The following HOOK3 variants were observed in gnomAD, a reference collection of about 807,000 sequenced individuals.
The protein encoded by HOOK3 is protein Hook homolog 3.
A neutral mutation model predicts 116.3 loss-of-function variants in HOOK3; 24 were observed. The ratio of observed to expected loss-of-function variants is 0.21; its 90% confidence interval spans 0.15 to 0.29. The LOEUF (loss-of-function observed/expected upper bound fraction) is 0.29. HOOK3 is among the 10% of genes least tolerant of loss of function. HOOK3 has a pLI of 1.00. For synonymous variants in HOOK3, 275 were observed against 283.0 expected (o/e 0.97, Z 0.28); for missense variants, 632 against 830.2 (o/e 0.76, Z 2.93).
intron 4 of HOOK3, among the ~76,000 whole-genome samples, chr8:42,932,874 C>T (rs972624647): frequency 2.6e-5 from 4 of 152,132 alleles, no homozygotes; most frequent in African/African-American, 9.7e-5. Context: ...TATCAGTTTC[C>T]CCATTTATTC....
In HOOK3 at chr8:42,925,637, A is replaced by G. The variant is rs1271170951; in HGVS notation, c.216+8A>G. On this transcript the variant is annotated splice_region_variant and intron_variant, in intron 3 of 21. Transcript: ENST00000307602. ...GATAATTGGAGGCTAAAGGTATTTT[A>G]TTTTTCCACCTGTTAAATCTTTAAA... The G allele has an allele frequency of 6.4e-7, 1 of 1,556,230 alleles. No homozygotes were observed. Among genetic ancestry groups the G allele is most frequent in the African/African-American group, 1.4e-5 (1 of 73,022 alleles).
intron 2 of HOOK3, among the ~76,000 whole-genome samples, chr8:42,913,970 G>A (rs75103118): frequency 0.03 from 4,506 of 152,096 alleles, 96 homozygotes; most frequent in African/African-American, 0.055. Context: ...CCAGAAAAAC[G>A]GTAAATGCTT....
chr8:42,995,282 G>T (rs928580967), intron 15 of HOOK3, among the ~76,000 whole-genome samples: 1 of 152,036 alleles, frequency 6.6e-6, no homozygotes, highest in African/African-American at 2.4e-5. Context: ...GAGCAGTCTG[G>T]CTTCTGCTAC....
chr8:42,943,352 G>A lies in HOOK3; in HGVS notation c.307G>A (p.Val103Met), dbSNP rs775859366. ...QQINDFTLPD[V>M]NLIGEHSDAA... ...AATTAATGACTTTACCCTTCCTGAT[G>A]TGAACCTTATTGGGGAGCATTCTGA... The change falls in exon 5 of 22, where the codon GTG becomes ATG. Residue 103 changes from valine to methionine, a missense_variant. Physicochemically the swap from Val to Met is conservative, Grantham distance 21 (BLOSUM62 1). Transcript: ENST00000307602. 1.5e-5 allele frequency: 24 copies of A among 1,552,784 alleles called. No homozygotes were observed. The highest frequency in any genetic ancestry group is 2.7e-5 in the African/African-American group (2 of 73,102).
intron 2 of HOOK3, among the ~76,000 whole-genome samples, chr8:42,916,762 ACTGT>A (rs1807541558): frequency 2.0e-5 from 3 of 152,140 alleles, no homozygotes; most frequent in Admixed American, 6.6e-5. Flanking sequence ...GTATCAACCT[ACTGT>A]CTGTCTCCCC....
At chr8:42,945,971 A>G (rs1320469245) in intron 5 of HOOK3, among the ~76,000 whole-genome samples, 1 of 152,168 alleles carries the variant, frequency 6.6e-6, no homozygotes, top group Non-Finnish European at 1.5e-5. Flanking sequence ...AATCTTAAAT[A>G]GCTTTTTTCT....
At chr8:42,911,375 G>A (rs1312872729) in intron 2 of HOOK3, among the ~76,000 whole-genome samples, 1 of 152,076 alleles carries the variant, frequency 6.6e-6, no homozygotes, top group African/African-American at 2.4e-5. Context: ...TGCTTGAACC[G>A]GGAAAGTGGA....
At chr8:42,924,307 TCCTCCCTCCCTCCCTC>T (rs1208722433) in intron 2 of HOOK3, among the ~76,000 whole-genome samples, 1 of 151,802 alleles carries the variant, frequency 6.6e-6, no homozygotes, top group Non-Finnish European at 1.5e-5. Context: ...AAAAGTTTTG[TCCTCCCTCCCTCCCTC>T]CCTCCCTTCC....
intron 1 of HOOK3, among the ~76,000 whole-genome samples, chr8:42,901,517 A>T (rs1029092707): frequency 2.0e-5 from 3 of 152,032 alleles, no homozygotes; most frequent in Non-Finnish European, 4.4e-5. Context: ...CATTTTCATC[A>T]CCCCAAAAAT....
intron 13 of HOOK3, among the ~76,000 whole-genome samples, chr8:42,975,608 G>A (rs981459816): frequency 1.3e-5 from 2 of 152,290 alleles, no homozygotes; most frequent in African/African-American, 2.4e-5. Flanking sequence ...AAAAGTGGAC[G>A]TGACTTCTCC....
intron 16 of HOOK3, 143 bp from the exon 17 acceptor site, chr8:43,001,964 A>G: frequency 7.0e-6 from 4 of 570,276 alleles, no homozygotes; most frequent in East Asian, 3.1e-5. Flanking sequence ...AAACTGGGGT[A>G]CATTGTGTGT....
Position 42,966,490 on chromosome 8 carries a change from A to G in HOOK3, c.797A>G (p.Asp266Gly), listed in dbSNP as rs1808635128. The change falls in exon 10 of 22, where the codon GAT becomes GGT. Residue 266 changes from aspartate to glycine, a missense_variant. Asp to Gly is a moderately conservative substitution (Grantham distance 94). Transcript: ENST00000307602. ...GGTTACAGACTAGAAGCAGCCAAAGATGATTATCGAATACGTTGTGAAGAG... is the reference window on the plus strand; with the variant it reads ...GGTTACAGACTAGAAGCAGCCAAAGGTGATTATCGAATACGTTGTGAAGAG... Reference protein sequence around the residue: ...EETFRLEAAKDDYRIRCEELE... With the variant: ...EETFRLEAAKGDYRIRCEELE... 6.2e-7 allele frequency: 1 copy of G among 1,614,062 alleles called. No homozygotes were observed. Among genetic ancestry groups the G allele is most frequent in the Admixed American group, 1.7e-5 (1 of 60,008 alleles).
intron 5 of HOOK3, among the ~76,000 whole-genome samples, chr8:42,946,598 C>T (rs1203132939): frequency 6.6e-6 from 1 of 151,648 alleles, no homozygotes; most frequent in Admixed American, 6.6e-5. Flanking sequence ...TTTCTATTAA[C>T]TTGTTGTTTG....
Position 42,946,763 on chromosome 8 carries a change from CTTTTTT to C in HOOK3, c.400+3334_400+3339del, listed in dbSNP as rs34564365. 5.4e-5 allele frequency among the ~76,000 whole-genome samples: 4 copies of C among 73,952 alleles called. No homozygotes were observed. The Admixed American group carries it at 7.2e-4, about 13-fold the overall frequency. 48.5% of individuals were successfully genotyped at this position (73,952 alleles called of 152,430 possible). On this transcript the variant is annotated intron_variant, in intron 5 of 21. Coordinates refer to ENST00000307602, the MANE Select transcript of HOOK3 (RefSeq NM_032410.4). ...TTATCATACCATTTTCTCTTTCTTT[CTTTTTT>C]TTTTTTTTTTTTTTTCTGGGACAGA... is the stretch of plus-strand genomic sequence containing the variant.
chr8:43,002,478 C>T (rs1045912900), intron 17 of HOOK3, among the ~76,000 whole-genome samples: 2 of 152,180 alleles, frequency 1.3e-5, no homozygotes, highest in African/African-American at 4.8e-5. Flanking sequence ...AAGCTGGTCT[C>T]TGTCACAGCC....
At position 42,968,258 on chromosome 8, in the gene HOOK3, T is replaced by A. The variant is rs773143515; in HGVS notation, c.1122+44T>A. On this transcript the variant is annotated intron_variant, in intron 11 of 21. Coordinates refer to ENST00000307602, the MANE Select transcript of HOOK3 (RefSeq NM_032410.4). ...CTTGATGATGGTTTCAGGCAAGCTC[T>A]CAGTTATGACATGTAGCTTACCAAA... is the stretch of plus-strand genomic sequence containing the variant. 3.9e-5 allele frequency: 55 copies of A among 1,404,572 alleles called. No individual in the cohort carries two copies. The Admixed American group carries it at 9.4e-4, about 24-fold the overall frequency. The allele number at this position is 1,404,572 out of a possible 1,614,324, so 87.0% of individuals were successfully genotyped here. A position where few individuals can be genotyped will look rare whatever the true frequency, so the allele number is the denominator to read the frequency against.
chr8:42,909,366 A>T (rs1183735805), intron 2 of HOOK3, among the ~76,000 whole-genome samples: 4 of 152,254 alleles, frequency 2.6e-5, no homozygotes, highest in African/African-American at 7.2e-5. Context: ...AGCATTATTC[A>T]AGGTACCCAA....
At chr8:42,916,270 T>A (rs767415164) in intron 2 of HOOK3, among the ~76,000 whole-genome samples, 16 of 152,272 alleles carry the variant, frequency 1.1e-4, no homozygotes, top group Non-Finnish European at 2.1e-4. Context: ...TTATACAATT[T>A]AACTGTAAAG....
In HOOK3 at chr8:42,911,340, A is replaced by C. The variant is rs35236316; in HGVS notation, c.143+5082A>C. Among the ~76,000 whole-genome samples the C allele has an allele frequency of 3.6e-3, 552 of 152,246 alleles. 3 individuals carry two copies. The highest frequency in any genetic ancestry group is 0.013 in the African/African-American group (526 of 41,554). ...GTGGCGCATGCCTGTAATCCCAGCT[A>C]CTAGGGAGACTGAGGAAGGAGAATT... On this transcript the variant is annotated intron_variant, in intron 2 of 21. Transcript: ENST00000307602.
Sources: gnomAD v4.1 joint callset for allele counts (sites outside exome capture counted in the v4.1 genomes callset) on GRCh38, gnomAD v4.1.1 for gene constraint, MANE v1.5 for transcripts, NCBI Gene and HGNC (gene_info 2026-07-23, HGNC 2026-07-21) for gene names.